ANKRD44: variants seen among roughly 807,000 people sequenced by gnomAD.
ANKRD44 encodes serine/threonine-protein phosphatase 6 regulatory ankyrin repeat subunit B.
ANKRD44 carries 35 observed loss-of-function variants against 116.0 expected under a neutral mutation model. That is an observed-to-expected ratio of 0.30 (90% CI 0.23 to 0.40). The LOEUF (loss-of-function observed/expected upper bound fraction) is 0.40. ANKRD44 is among the 10% of genes least tolerant of loss of function. ANKRD44 has a pLI of 1.00. For synonymous variants in ANKRD44, 435 were observed against 461.8 expected, an observed-to-expected ratio of 0.94 and a Z score of 0.74; for missense variants, 1,014 against 1,242.6, an observed-to-expected ratio of 0.82 and a Z score of 2.77.
At chr2:197,153,485 T>C (rs1401214134) in intron 2 of ANKRD44, among the ~76,000 whole-genome samples, 1 of 152,064 alleles carries the variant, frequency 6.6e-6, no homozygotes, top group African/African-American at 2.4e-5. Flanking sequence ...TATTTCAAAT[T>C]ACATGAGGAC....
intron 21 of ANKRD44, among the ~76,000 whole-genome samples, chr2:196,975,735 C>A (rs2075752669): frequency 6.8e-6 from 1 of 147,938 alleles, no homozygotes; most frequent in Non-Finnish European, 1.5e-5. Flanking sequence ...TTGCAGGGAG[C>A]CGAGATTGTG....
chr2:197,260,490 C>T (rs1488114625), intron 1 of ANKRD44, among the ~76,000 whole-genome samples: 1 of 152,070 alleles, frequency 6.6e-6, no homozygotes, highest in Non-Finnish European at 1.5e-5. Flanking sequence ...CGTTGTTGGA[C>T]ATTTAGGTTG....
intron 2 of ANKRD44, among the ~76,000 whole-genome samples, chr2:197,148,593 T>C (rs773938812): frequency 6.6e-6 from 1 of 152,244 alleles, no homozygotes; most frequent in African/African-American, 2.4e-5. Context: ...TCTTCCTCTG[T>C]CTCTCACAGA....
intron 21 of ANKRD44, among the ~76,000 whole-genome samples, chr2:197,003,026 G>C (rs2076140388): frequency 6.6e-6 from 1 of 152,164 alleles, no homozygotes; most frequent in African/African-American, 2.4e-5. Flanking sequence ...ACTGGCAGTG[G>C]CTGGGCATGG....
At position 197,310,585 on chromosome 2, in the gene ANKRD44, G is replaced by C. The variant is rs2084228208; in HGVS notation, c.20C>G (p.Thr7Ser). ...GGCGCCGCCGCCCGCTACCTGGTCG[G>C]TGAGTTTGAGCACTGCCATTCTTCC... is the stretch of plus-strand genomic sequence containing the variant. MAVLKL[T>S]DQPPLVQAIF... The change falls in exon 1 of 28, where the codon ACC becomes AGC. Residue 7 changes from threonine (T) to serine (S), a missense_variant. By Grantham distance (58) the Thr-to-Ser change is moderately conservative (BLOSUM62 1). Transcript: ENST00000282272. The C allele has an allele frequency of 2.4e-6, 3 of 1,268,772 alleles. No individual in the cohort carries two copies. Among genetic ancestry groups the C allele is most frequent in the Non-Finnish European group, 3.1e-6 (3 of 981,632 alleles). The allele number at this position is 1,268,772 out of a possible 1,614,324, so 78.6% of individuals were successfully genotyped here.
intron 8 of ANKRD44, among the ~76,000 whole-genome samples, chr2:197,114,182 T>G (rs1473528668): frequency 6.6e-6 from 1 of 152,212 alleles, no homozygotes; most frequent in Non-Finnish European, 1.5e-5. Flanking sequence ...TTCCTAGAAT[T>G]GCACAAAAAG....
intron 1 of ANKRD44, among the ~76,000 whole-genome samples, chr2:197,219,201 C>G (rs184437156): frequency 2.1e-4 from 32 of 151,538 alleles, no homozygotes; most frequent in South Asian, 8.3e-4. Flanking sequence ...TCCCGAGTAT[C>G]TGGGACTACA....
At chr2:197,059,027 A>C (rs1490185719) in intron 16 of ANKRD44, among the ~76,000 whole-genome samples, 11 of 69,938 alleles carry the variant, frequency 1.6e-4, no homozygotes, top group Non-Finnish European at 2.8e-4. Context: ...ATCAACAATA[A>C]TTTTCATCTA....
intron 1 of ANKRD44, among the ~76,000 whole-genome samples, chr2:197,250,586 A>T (rs2082293151): frequency 6.6e-6 from 1 of 152,204 alleles, no homozygotes; most frequent in South Asian, 2.1e-4. Flanking sequence ...GTAGGTGAGG[A>T]ATAATAGTTT....
intron 8 of ANKRD44, among the ~76,000 whole-genome samples, chr2:197,112,491 A>C (rs976540321): frequency 6.6e-6 from 1 of 152,020 alleles, no homozygotes; most frequent in Non-Finnish European, 1.5e-5. Flanking sequence ...GGGAGGATCA[A>C]GAGGTCAGGA....
intron 21 of ANKRD44, among the ~76,000 whole-genome samples, chr2:196,979,536 AG>A (rs1335427564): frequency 1.4e-5 from 2 of 142,986 alleles, no homozygotes; most frequent in Non-Finnish European, 3.1e-5. Context: ...AAGCAGCCTG[AG>A]TAATTTAATA....
chr2:197,276,278 A>C (rs1367090030), intron 1 of ANKRD44, among the ~76,000 whole-genome samples: 3 of 137,314 alleles, frequency 2.2e-5, no homozygotes, highest in African/African-American at 7.6e-5. Context: ...TTGGTCTCAA[A>C]AAAAAAAAAA....
At chr2:197,194,855 G>A (rs2080909961) in intron 1 of ANKRD44, among the ~76,000 whole-genome samples, 2 of 152,198 alleles carry the variant, frequency 1.3e-5, no homozygotes, top group African/African-American at 4.8e-5. Context: ...GGCTCCGCAT[G>A]GGTCTGAGTT....
intron 1 of ANKRD44, among the ~76,000 whole-genome samples, chr2:197,252,202 G>C (rs2082331577): frequency 6.6e-6 from 1 of 152,002 alleles, no homozygotes; most frequent in Non-Finnish European, 1.5e-5. Flanking sequence ...AAAAAGAACA[G>C]GCATTGGTAT....
intron 19 of ANKRD44, among the ~76,000 whole-genome samples, chr2:197,008,225 A>G (rs955935053): frequency 3.9e-5 from 6 of 152,200 alleles, no homozygotes; most frequent in African/African-American, 1.4e-4. Flanking sequence ...TTTACTAGAT[A>G]TCAAGGGCGG....
chr2:196,990,651 G>A (rs961557551), intron 27 of ANKRD44: 8 of 1,231,848 alleles, frequency 6.5e-6, no homozygotes, highest in East Asian at 3.2e-5. Flanking sequence ...CAACACAGGT[G>A]ATCAAAGAAA....
At chr2:197,054,349 T>C (rs1394388018) in intron 16 of ANKRD44, among the ~76,000 whole-genome samples, 1 of 151,462 alleles carries the variant, frequency 6.6e-6, no homozygotes, top group Non-Finnish European at 1.5e-5. Flanking sequence ...ACTGAACTTA[T>C]GCATATGAAA....
At chr2:197,188,282 G>T (rs1023886471) in intron 1 of ANKRD44, among the ~76,000 whole-genome samples, 13 of 152,150 alleles carry the variant, frequency 8.5e-5, no homozygotes, top group Non-Finnish European at 1.9e-4. Context: ...GTAGGAGGCT[G>T]GGTGAAGACA....
intron 9 of ANKRD44, among the ~76,000 whole-genome samples, chr2:197,100,278 T>TA (rs2078260715): frequency 6.6e-6 from 1 of 151,730 alleles, no homozygotes. Flanking sequence ...CTACCAAAAA[T>TA]AAAAAAATTA....
Sources: gnomAD v4.1 joint callset for allele counts (sites outside exome capture counted in the v4.1 genomes callset) on GRCh38, gnomAD v4.1.1 for gene constraint, MANE v1.5 for transcripts, NCBI Gene and HGNC (gene_info 2026-07-23, HGNC 2026-07-21) for gene names.